The following SDK1 variants were observed in gnomAD, a reference collection of about 807,000 sequenced individuals.
SDK1 encodes the protein protein sidekick-1.
SDK1 carries 157 observed loss-of-function variants against 245.5 expected under a neutral mutation model. The ratio of observed to expected loss-of-function variants is 0.64; its 90% CI spans 0.56 to 0.73. The LOEUF (loss-of-function observed/expected upper bound fraction) is 0.73. Among genes scored for constraint, SDK1 ranks in the 30% least tolerant of loss-of-function variants. The pLI is 0.00. For synonymous variants in SDK1, 1,647 were observed against 1,278.5 expected (o/e 1.29, Z -6.15); for missense variants, 3,583 against 3,002.3 (o/e 1.19, Z -4.52).
chr7:3,676,279 A>G (rs539536534), intron 4 of SDK1, among the ~76,000 whole-genome samples: 1 of 150,668 alleles, frequency 6.6e-6, no homozygotes, highest in African/African-American at 2.4e-5. Flanking sequence ...TTGTCCTCCG[A>G]AAGTGCTGGA....
chr7:3,986,831 G>C (rs1012276192), intron 13 of SDK1, among the ~76,000 whole-genome samples: 14 of 152,220 alleles, frequency 9.2e-5, no homozygotes, highest in African/African-American at 3.4e-4. Flanking sequence ...CAGCACTCCA[G>C]GCTGGGCGAC....
At chr7:3,986,910 C>T (rs539546730) in intron 13 of SDK1, among the ~76,000 whole-genome samples, 1 of 152,258 alleles carries the variant, frequency 6.6e-6, no homozygotes, top group Admixed American at 6.5e-5. Flanking sequence ...GTCCCCTCCC[C>T]CTATTTATGT....
intron 4 of SDK1, among the ~76,000 whole-genome samples, chr7:3,766,901 A>G (rs1398195811): frequency 6.6e-6 from 1 of 152,228 alleles, no homozygotes; most frequent in Non-Finnish European, 1.5e-5. Context: ...CACTTTAACA[A>G]TATGCCCAAA....
chr7:3,822,247 C>T (rs780519215), intron 5 of SDK1, among the ~76,000 whole-genome samples: 2 of 152,170 alleles, frequency 1.3e-5, no homozygotes, highest in Non-Finnish European at 2.9e-5. Context: ...TTCAGACATC[C>T]ATATCAGAAG....
intron 1 of SDK1, among the ~76,000 whole-genome samples, chr7:3,593,391 C>T (rs974754795): frequency 6.6e-6 from 1 of 152,128 alleles, no homozygotes; most frequent in African/African-American, 2.4e-5. Context: ...TGAGCTTCAC[C>T]ATGCATCAGC....
chr7:3,542,881 G>A (rs567774439), intron 1 of SDK1, among the ~76,000 whole-genome samples: 2 of 152,274 alleles, frequency 1.3e-5, no homozygotes, highest in South Asian at 2.1e-4. Context: ...ATTTACCTTC[G>A]CTTTAGAAGC....
At chr7:4,029,338 G>A (rs973423609) in intron 17 of SDK1, among the ~76,000 whole-genome samples, 3 of 150,546 alleles carry the variant, frequency 2.0e-5, no homozygotes, top group African/African-American at 7.4e-5. Context: ...AGCCTCCTGA[G>A]TAGCTGGGAT....
At chr7:3,556,097 C>G (rs879405343) in intron 1 of SDK1, among the ~76,000 whole-genome samples, 4 of 152,218 alleles carry the variant, frequency 2.6e-5, no homozygotes, top group Admixed American at 6.5e-5. Flanking sequence ...ATCAGTATAC[C>G]GAAGAGGTAT....
chr7:3,984,970 C>T (rs553994013), intron 13 of SDK1, among the ~76,000 whole-genome samples: 3 of 152,248 alleles, frequency 2.0e-5, no homozygotes, highest in Non-Finnish European at 4.4e-5. Context: ...ACCACTCTCA[C>T]CGACCCCAAG....
chr7:3,885,260 C>T (rs557017042), intron 5 of SDK1, among the ~76,000 whole-genome samples: 2 of 152,108 alleles, frequency 1.3e-5, no homozygotes, highest in African/African-American at 4.8e-5. Flanking sequence ...GACTCTAGGC[C>T]GGCTGCTTTG....
In SDK1 at chr7:3,509,949, T is replaced by G. The variant is rs1324036988; in HGVS notation, c.299-109131T>G. Reference sequence around the variant, plus strand: ...AGGGCTTCACCCCAGACTCATTAAATGAAGGTCTCCGAGTCATGAATAACA... The same window carrying G: ...AGGGCTTCACCCCAGACTCATTAAAGGAAGGTCTCCGAGTCATGAATAACA... On this transcript the variant is annotated intron_variant, in intron 1 of 44. Transcript: ENST00000404826. 3.8e-4 allele frequency among the ~76,000 whole-genome samples: 58 copies of G among 152,152 alleles called. 1 individual carries two copies. Among genetic ancestry groups the G allele is most frequent in the Non-Finnish European group, 1.5e-5 (1 of 68,008 alleles).
chr7:4,233,849 C>T (rs572524315), intron 41 of SDK1, among the ~76,000 whole-genome samples: 293 of 152,258 alleles, frequency 1.9e-3, no homozygotes, highest in Non-Finnish European at 3.1e-3. Flanking sequence ...ACCAGCAAGG[C>T]CCCTTATGGG....
chr7:4,047,265 A>G (rs546650815), intron 17 of SDK1, among the ~76,000 whole-genome samples: 49 of 152,082 alleles, frequency 3.2e-4, no homozygotes, highest in South Asian at 1.2e-3. Flanking sequence ...ATGTTTTTCT[A>G]TTTTATTCTG....
chr7:4,132,089 T>C (rs539266278), intron 27 of SDK1, among the ~76,000 whole-genome samples: 1 of 152,268 alleles, frequency 6.6e-6, no homozygotes, highest in African/African-American at 2.4e-5. Context: ...CTTTTGAGTC[T>C]TGGAAAGCAG....
intron 12 of SDK1, among the ~76,000 whole-genome samples, chr7:3,972,255 A>G (rs2128133362): frequency 6.6e-6 from 1 of 151,538 alleles, no homozygotes; most frequent in Non-Finnish European, 1.5e-5. Context: ...ATTTTTTTGT[A>G]TTTTTAGTAG....
intron 1 of SDK1, among the ~76,000 whole-genome samples, chr7:3,450,725 G>A (rs1156345481): frequency 6.6e-6 from 1 of 152,140 alleles, no homozygotes; most frequent in Non-Finnish European, 1.5e-5. Flanking sequence ...AAAAGAGTTG[G>A]AGATTTTGAC....
intron 4 of SDK1, among the ~76,000 whole-genome samples, chr7:3,747,323 C>T (rs868421175): frequency 2.0e-5 from 3 of 152,218 alleles, no homozygotes; most frequent in African/African-American, 4.8e-5. Context: ...GACATAACAA[C>T]CACTGTCTGT....
intron 28 of SDK1, 147 bp downstream of exon 28, chr7:4,132,570 T>G (rs927657070): frequency 1.3e-5 from 8 of 597,902 alleles, no homozygotes; most frequent in Non-Finnish European, 2.1e-5. Context: ...AAGAAAAAAT[T>G]CAGACTATTA....
intron 38 of SDK1, among the ~76,000 whole-genome samples, chr7:4,218,058 C>G (rs7787203): frequency 6.6e-6 from 1 of 152,046 alleles, no homozygotes; most frequent in Non-Finnish European, 1.5e-5. Context: ...AGTGCTCACA[C>G]ATGCCCCATT....
Sources: allele counts gnomAD v4.1 joint callset (sites outside exome capture counted in the v4.1 genomes callset), GRCh38; gene constraint gnomAD v4.1.1; transcripts MANE v1.5; gene names NCBI Gene and HGNC (gene_info 2026-07-23, HGNC 2026-07-21).